The following MCF2L variants were observed in gnomAD, a reference collection of about 807,000 sequenced individuals.
MCF2L encodes MCF.2 cell line derived transforming sequence like, also known as guanine nucleotide exchange factor DBS.
A neutral mutation model predicts 153.4 loss-of-function variants in MCF2L; 97 were observed. That is an observed-to-expected ratio of 0.63 (90% confidence interval 0.54 to 0.75). The LOEUF is 0.75. Ranked by LOEUF, MCF2L falls within the 30% of genes least tolerant of loss-of-function variation. MCF2L has a pLI of 0.00. For synonymous variants in MCF2L, 659 were observed against 632.2 expected, an observed-to-expected ratio of 1.04 and a Z score of -0.64; for missense variants, 1,347 against 1,495.2, an observed-to-expected ratio of 0.90 and a Z score of 1.64.
At chr13:113,092,391 T>A (rs1251843417) in intron 26 of MCF2L, among the ~76,000 whole-genome samples, 2 of 152,194 alleles carry the variant, frequency 1.3e-5, no homozygotes, top group East Asian at 3.9e-4. Context: ...GCCGGGCCAC[T>A]GCCCGTGGGT....
chr13:112,934,185 C>A (rs2081491141), intron 2 of MCF2L, among the ~76,000 whole-genome samples: 1 of 152,224 alleles, frequency 6.6e-6, no homozygotes, highest in Non-Finnish European at 1.5e-5. Context: ...TGGAAGCCCC[C>A]TGCTTGCCAC....
intron 1 of MCF2L, among the ~76,000 whole-genome samples, chr13:113,013,679 C>T (rs2084318613): frequency 6.6e-6 from 1 of 152,238 alleles, no homozygotes; most frequent in Non-Finnish European, 1.5e-5. Flanking sequence ...AGCGTTTAAG[C>T]CATTCTCAGG....
At chr13:113,022,484 C>A (rs1297060793) in intron 2 of MCF2L, among the ~76,000 whole-genome samples, 4 of 151,800 alleles carry the variant, frequency 2.6e-5, no homozygotes, top group African/African-American at 9.7e-5. Flanking sequence ...CAGCTGCCGT[C>A]GGCGTCACTC....
At chr13:113,075,760 T>C (rs796621896) in intron 11 of MCF2L, among the ~76,000 whole-genome samples, 6 of 87,222 alleles carry the variant, frequency 6.9e-5, no homozygotes, top group African/African-American at 2.0e-4. Context: ...CCCCTTGGGA[T>C]TGGCCTTGTC....
chr13:113,073,718 C>T (rs1376542204), intron 9 of MCF2L, among the ~76,000 whole-genome samples: 1 of 152,098 alleles, frequency 6.6e-6, no homozygotes, highest in Non-Finnish European at 1.5e-5. Context: ...AGTTCAAGAC[C>T]AACCTGGCCA....
intron 2 of MCF2L, among the ~76,000 whole-genome samples, chr13:112,916,694 C>T (rs1057111507): frequency 3.3e-5 from 5 of 152,140 alleles, no homozygotes; most frequent in Admixed American, 6.5e-5. Flanking sequence ...TGTTGATCCT[C>T]CAGTCTCTGA....
intron 2 of MCF2L, among the ~76,000 whole-genome samples, chr13:112,963,704 C>T (rs2140767664): frequency 6.6e-6 from 1 of 152,356 alleles, no homozygotes; most frequent in East Asian, 1.9e-4. Flanking sequence ...AGGGCCGCTG[C>T]CTCTGCAGAT....
rs1162391519 is a variant in MCF2L at position 113,035,744 on chromosome 13, A to C, written c.279-9527A>C. On this transcript the variant is annotated intron_variant, in intron 3 of 29. Coordinates refer to ENST00000535094, the MANE Select transcript of MCF2L (RefSeq NM_001112732.3). The surrounding 1 kb of genome is among the most constrained non-coding windows in gnomAD (Gnocchi z 4.4). Reference sequence around the variant, plus strand: ...AGGTCTTACTGTGGTGTGAGCGATCAGAGACCCCAGTGTTTACCAGGTAGG... The same window carrying C: ...AGGTCTTACTGTGGTGTGAGCGATCCGAGACCCCAGTGTTTACCAGGTAGG... Among the ~76,000 whole-genome samples, 2 of 152,228 alleles carry C rather than the reference A, an allele frequency of 1.3e-5. No homozygotes were observed. Among genetic ancestry groups the C allele is most frequent in the Non-Finnish European group, 2.9e-5 (2 of 68,032 alleles).
At position 113,028,024 on chromosome 13, in the gene MCF2L, G is replaced by A. The variant is rs559181219; in HGVS notation, c.278+3266G>A. On this transcript the variant is annotated intron_variant, in intron 3 of 29. Transcript: ENST00000535094. The surrounding 1 kb of genome is among the most constrained non-coding windows in gnomAD (Gnocchi z 5.4). ...CCCCCTGATGGCACCTCCTGGCATG[G>A]GGCTAAATGAGATTCTGTGGTGTCC... Among the ~76,000 whole-genome samples the A allele has an allele frequency of 6.6e-6, 1 of 152,334 alleles. No homozygotes were observed. Among genetic ancestry groups the A allele is most frequent in the South Asian group, 2.1e-4 (1 of 4,830 alleles).
chr13:112,907,001 G>A lies in MCF2L; in HGVS notation c.169+4630G>A, dbSNP rs549351564. 2.0e-5 allele frequency among the ~76,000 whole-genome samples: 3 copies of A among 152,312 alleles called. No individual in the cohort carries two copies. The highest frequency in any genetic ancestry group is 3.9e-4 in the East Asian group (2 of 5,178). Reference sequence around the variant, plus strand: ...TGGGCTTAGGGTGAAGAAGAGCAGCGAAGAAACAGACACATTTGCCGCCTT... The same window carrying A: ...TGGGCTTAGGGTGAAGAAGAGCAGCAAAGAAACAGACACATTTGCCGCCTT... On this transcript the variant is annotated intron_variant, in intron 2 of 29. Transcript: ENST00000375608. The surrounding 1 kb of genome is among the most constrained non-coding windows in gnomAD (Gnocchi z 5.1).
Position 113,007,462 on chromosome 13 carries a change from C to T in MCF2L, c.80-7301C>T, listed in dbSNP as rs958353951. Among the ~76,000 whole-genome samples the T allele has an allele frequency of 8.5e-5, 13 of 152,136 alleles. No individual in the cohort carries two copies. In the East Asian group the frequency reaches 1.9e-3, roughly 23 times the overall value. On this transcript the variant is annotated intron_variant, in intron 1 of 29. Transcript: ENST00000535094. ...TGGTTCTGAAATCACTTGAGTGGGC[C>T]GTGGCCACCGTGAGGCGGAGAAAGA...
chr13:113,044,968 A>T (rs1388838226), intron 3 of MCF2L: 9 of 1,550,566 alleles, frequency 5.8e-6, no homozygotes, highest in African/African-American at 1.4e-5. Context: ...CTTACTGTGG[A>T]ATAGCAAATG....
chr13:112,988,024 T>C (rs1203870555), intron 1 of MCF2L, among the ~76,000 whole-genome samples: 1 of 152,214 alleles, frequency 6.6e-6, no homozygotes, highest in African/African-American at 2.4e-5. Context: ...ATAAACAGTG[T>C]GTTTAGAAGA....
At chr13:112,929,707 G>A (rs938955146) in intron 2 of MCF2L, among the ~76,000 whole-genome samples, 17 of 152,190 alleles carry the variant, frequency 1.1e-4, no homozygotes, top group Admixed American at 5.9e-4. Context: ...CAGAACCTCC[G>A]GCCTCGGGTT....
upstream of MCF2L, chr13:112,969,204 T>C: frequency 3.8e-6 from 4 of 1,060,058 alleles, no homozygotes. The surrounding 1 kb of genome is among the most constrained non-coding windows in gnomAD (Gnocchi z 4.8). Flanking sequence ...CGCGCCCCCC[T>C]CCCGGTGGCG....
At chr13:112,961,267 C>T (rs1372913377) in intron 2 of MCF2L, among the ~76,000 whole-genome samples, 1 of 152,222 alleles carries the variant, frequency 6.6e-6, no homozygotes, top group African/African-American at 2.4e-5. Context: ...ATTGTATTGT[C>T]ATTATAATAA....
rs1368002771 is a variant in MCF2L at position 113,099,180 on chromosome 13, A to G, written c.*2321A>G. The stretch of plus-strand genomic sequence containing the variant: ...GAGTAAAGGGGGCTGCGTGGCAATC[A>G]GGAACTCATAAGCCACTGACTATAA... On this transcript the variant is annotated 3_prime_UTR_variant, in exon 30 of 30. Coordinates refer to ENST00000535094, the MANE Select transcript of MCF2L (RefSeq NM_001112732.3). 1 of 152,220 alleles carries G rather than the reference A, an allele frequency of 6.6e-6. No homozygotes were observed. The highest frequency in any genetic ancestry group is 2.4e-5 in the African/African-American group (1 of 41,438). 9.4% of individuals were successfully genotyped at this position (152,220 alleles called of 1,614,324 possible).
At chr13:113,007,910 CT>C (rs1192363340) in intron 1 of MCF2L, among the ~76,000 whole-genome samples, 19 of 126,562 alleles carry the variant, frequency 1.5e-4, no homozygotes, top group Non-Finnish European at 2.7e-4. Flanking sequence ...TGTATCTTTT[CT>C]TTTTCTTTTT....
In MCF2L at chr13:113,046,500, C is replaced by T; in HGVS notation, c.369+1139C>T. 1 of 526,686 alleles carries T rather than the reference C, an allele frequency of 1.9e-6. No homozygotes were observed. Among genetic ancestry groups the T allele is most frequent in the South Asian group, 1.4e-5 (1 of 71,220 alleles). 32.6% of individuals were successfully genotyped at this position (526,686 alleles called of 1,614,324 possible). A position where few individuals can be genotyped will look rare whatever the true frequency, so the allele number is the denominator to read the frequency against. On this transcript the variant is annotated intron_variant, in intron 4 of 29. Transcript: ENST00000535094. The surrounding 1 kb of genome is among the most constrained non-coding windows in gnomAD (Gnocchi z 4.4). ...TCAGACTACCTTTGGGTTCCCCAGC[C>T]TCTCGGTGGCTGCTGGCTGGTGCGC...
Sources: allele counts gnomAD v4.1 joint callset (sites outside exome capture counted in the v4.1 genomes callset), GRCh38; gene constraint gnomAD v4.1.1; non-coding constraint Gnocchi (gnomAD v3.1); transcripts MANE v1.5; gene names NCBI Gene and HGNC (gene_info 2026-07-23, HGNC 2026-07-21).